INSL6: variants seen among roughly 807,000 people sequenced by gnomAD.
INSL6 encodes the protein insulin like 6, also known as insulin-like peptide INSL6.
INSL6 carries 16 observed loss-of-function variants against 9.4 expected under a neutral mutation model. The observed-to-expected ratio is 1.70, with a 90% CI of 1.15 to 2.59. The LOEUF (loss-of-function observed/expected upper bound fraction) is 2.59. Among genes scored for constraint, INSL6 ranks in the 30% most tolerant of loss-of-function variants. The pLI is 0.00. For synonymous variants in INSL6, 154 were observed against 96.9 expected (o/e 1.59, Z -3.46); for missense variants, 391 against 257.3 (o/e 1.52, Z -3.56).
the INSL6 span, among the ~76,000 whole-genome samples, chr9:5,117,356 A>G: frequency 1.3e-5 from 2 of 152,250 alleles, no homozygotes; most frequent in Non-Finnish European, 2.9e-5. Flanking sequence ...GGGGAATAAC[A>G]TGGTGAGATT....
the INSL6 span, among the ~76,000 whole-genome samples, chr9:5,056,098 C>A: frequency 6.6e-6 from 1 of 151,988 alleles, no homozygotes; most frequent in African/African-American, 2.4e-5. Flanking sequence ...GTAATGCTCA[C>A]CCCTGACTAA....
At chr9:5,072,151 G>T in the INSL6 span, among the ~76,000 whole-genome samples, 1 of 152,194 alleles carries the variant, frequency 6.6e-6, no homozygotes. Context: ...ATTCTCTAGT[G>T]TGCTAGTAGG....
chr9:5,030,019 A>G, the INSL6 span: 1 of 805,360 alleles, frequency 1.2e-6, no homozygotes, highest in African/African-American at 1.8e-5. Flanking sequence ...CCAATTAGTT[A>G]GCACTCATTT....
the INSL6 span, among the ~76,000 whole-genome samples, chr9:4,999,739 G>A: frequency 2.0e-5 from 3 of 152,256 alleles, no homozygotes; most frequent in South Asian, 2.1e-4. Context: ...GTGAGCCCCC[G>A]TGCCTGGTGT....
downstream of INSL6, among the ~76,000 whole-genome samples, chr9:5,119,187 A>C (rs1218831605): frequency 6.6e-6 from 1 of 152,182 alleles, no homozygotes; most frequent in Non-Finnish European, 1.5e-5. Context: ...GGCATCAAAC[A>C]AATCACTTAA....
the INSL6 span, chr9:5,041,530 T>C: frequency 2.2e-3 from 1,168 of 542,828 alleles, 10 homozygotes; most frequent in African/African-American, 0.019. Flanking sequence ...CCCATCGAAG[T>C]GCTCTGCGAG....
chr9:5,128,974 A>G (rs1452977356), intron 3 of INSL6, among the ~76,000 whole-genome samples: 1 of 151,988 alleles, frequency 6.6e-6, no homozygotes, highest in Non-Finnish European at 1.5e-5. Flanking sequence ...TTCCATGGGT[A>G]CTTGTTTGGA....
the INSL6 span, among the ~76,000 whole-genome samples, chr9:4,995,958 T>TA: frequency 1.5e-4 from 23 of 152,328 alleles, no homozygotes; most frequent in African/African-American, 5.3e-4. Context: ...CTCAAATTGT[T>TA]AAAAATTCAC....
downstream of INSL6, chr9:5,163,750 G>T (rs143324419): frequency 7.8e-3 from 4,557 of 587,352 alleles, 23 homozygotes; most frequent in Non-Finnish European, 0.01. Context: ...GGTCACCAAA[G>T]AAAATACTAA....
At chr9:5,145,054 G>A (rs1369050782) in intron 2 of INSL6, among the ~76,000 whole-genome samples, 1 of 152,178 alleles carries the variant, frequency 6.6e-6, no homozygotes, top group African/African-American at 2.4e-5. Flanking sequence ...TTGCTTCATA[G>A]TATTACTGGT....
At chr9:5,170,670 C>A (rs533037157) in intron 1 of INSL6, among the ~76,000 whole-genome samples, 1 of 151,918 alleles carries the variant, frequency 6.6e-6, no homozygotes, top group South Asian at 2.1e-4. Flanking sequence ...CACCACTGAC[C>A]CCACAGAAAT....
At chr9:5,085,937 G>T in the INSL6 span, 1 of 1,110,572 alleles carries the variant, frequency 9.0e-7, no homozygotes, top group Non-Finnish European at 1.4e-6. Context: ...CTCTCCAACC[G>T]AGTTTGAAAG....
intron 3 of INSL6, among the ~76,000 whole-genome samples, chr9:5,130,821 C>T (rs948937886): frequency 7.3e-5 from 11 of 151,358 alleles, no homozygotes; most frequent in Admixed American, 1.3e-4. Context: ...CTCCGCCTCC[C>T]GGGTTCATGC....
chr9:5,001,449 T>C, the INSL6 span, among the ~76,000 whole-genome samples: 2 of 152,322 alleles, frequency 1.3e-5, no homozygotes, highest in Non-Finnish European at 2.9e-5. Context: ...GACGATCTTA[T>C]GGTTTTGCTC....
the INSL6 span, among the ~76,000 whole-genome samples, chr9:5,102,136 A>G: frequency 3.3e-5 from 5 of 152,176 alleles, no homozygotes; most frequent in African/African-American, 7.2e-5. Context: ...GAAGCTAAAA[A>G]CCTTGAAAAA....
chr9:4,997,241 T>C, the INSL6 span, among the ~76,000 whole-genome samples: 2 of 152,154 alleles, frequency 1.3e-5, no homozygotes, highest in Admixed American at 1.3e-4. Context: ...CCTGTTAGTC[T>C]GTTCTTGCAT....
chr9:5,006,102 G>T, the INSL6 span, among the ~76,000 whole-genome samples: 1 of 152,070 alleles, frequency 6.6e-6, no homozygotes, highest in East Asian at 1.9e-4. Context: ...CCATTTTCAC[G>T]ATATTGATTC....
At chr9:5,104,578 G>T in the INSL6 span, among the ~76,000 whole-genome samples, 1 of 152,168 alleles carries the variant, frequency 6.6e-6, no homozygotes, top group South Asian at 2.1e-4. Flanking sequence ...GCATCAGCCC[G>T]ATACCAAAGC....
At chr9:5,091,973 A>C in the INSL6 span, among the ~76,000 whole-genome samples, 2 of 152,096 alleles carry the variant, frequency 1.3e-5, no homozygotes, top group Non-Finnish European at 2.9e-5. Context: ...GTTAGTGATG[A>C]GGAATCCGGC....
Sources: allele counts gnomAD v4.1 joint callset (sites outside exome capture counted in the v4.1 genomes callset), GRCh38; gene constraint gnomAD v4.1.1; transcripts MANE v1.5; gene names NCBI Gene and HGNC (gene_info 2026-07-23, HGNC 2026-07-21).